CTNNA2: variants seen among roughly 807,000 people sequenced by gnomAD.
The protein encoded by CTNNA2 is catenin alpha 2.
Under a neutral mutation model 101.0 loss-of-function variants are expected in CTNNA2, and 42 were observed. The observed-to-expected ratio is 0.42, with a 90% CI of 0.32 to 0.54. The LOEUF is 0.54. CTNNA2 is among the 20% of genes least tolerant of loss of function. The pLI is 0.14. For missense variants in CTNNA2, 871 were observed against 1,223.1 expected, an observed-to-expected ratio of 0.71 and a Z score of 4.29; for synonymous variants, 450 against 456.4, an observed-to-expected ratio of 0.99 and a Z score of 0.18.
chr2:79,231,482 T>C (rs903349998), intron 2 of CTNNA2, among the ~76,000 whole-genome samples: 17 of 152,216 alleles, frequency 1.1e-4, no homozygotes, highest in Non-Finnish European at 2.1e-4. Flanking sequence ...CTTTTGCCAA[T>C]TGCCCAGTCT....
At chr2:79,807,606 C>T (rs1676680188) in intron 3 of CTNNA2, among the ~76,000 whole-genome samples, 1 of 152,056 alleles carries the variant, frequency 6.6e-6, no homozygotes, top group Admixed American at 6.6e-5. Flanking sequence ...ATTATATTAG[C>T]TCTTTGAAAG....
chr2:79,232,349 G>C (rs1177222940), intron 2 of CTNNA2, among the ~76,000 whole-genome samples: 6 of 151,896 alleles, frequency 4.0e-5, no homozygotes, highest in African/African-American at 1.2e-4. Flanking sequence ...TGTTTATGTG[G>C]TGAATCACAT....
At chr2:79,925,786 T>A (rs545383802) in intron 7 of CTNNA2, among the ~76,000 whole-genome samples, 2 of 152,202 alleles carry the variant, frequency 1.3e-5, no homozygotes, top group Admixed American at 1.3e-4. Flanking sequence ...AATATTTGGT[T>A]TTTATGTAAA....
At chr2:79,608,962 A>G (rs1678085023) in intron 1 of CTNNA2, among the ~76,000 whole-genome samples, 2 of 152,010 alleles carry the variant, frequency 1.3e-5, no homozygotes, top group African/African-American at 4.8e-5. Flanking sequence ...TTTGGAGAAA[A>G]TGGGGTTGTC....
intron 7 of CTNNA2, among the ~76,000 whole-genome samples, chr2:80,355,416 A>G (rs2149305789): frequency 6.6e-6 from 1 of 152,272 alleles, no homozygotes; most frequent in East Asian, 1.9e-4. Flanking sequence ...GAGGCTCAGC[A>G]GTTCCTTTGT....
At chr2:80,573,771 A>G (rs1454354597) in intron 12 of CTNNA2, among the ~76,000 whole-genome samples, 2 of 152,186 alleles carry the variant, frequency 1.3e-5, no homozygotes, top group Non-Finnish European at 2.9e-5. Context: ...ATTACATTTT[A>G]TAGACAAAGA....
intron 9 of CTNNA2, among the ~76,000 whole-genome samples, chr2:80,528,201 G>C (rs1690203626): frequency 1.3e-5 from 2 of 152,102 alleles, no homozygotes; most frequent in Admixed American, 6.5e-5. Context: ...GTTGTTGTTT[G>C]TTCGTTTGTT....
At chr2:79,866,769 T>G (rs1682135465) in intron 4 of CTNNA2, among the ~76,000 whole-genome samples, 1 of 152,194 alleles carries the variant, frequency 6.6e-6, no homozygotes, top group South Asian at 2.1e-4. Context: ...TGCCATACAT[T>G]TTGCTAAGCA....
rs1408329705 is a variant in CTNNA2, at chr2:80,644,744, G to A, written c.2575-2841G>A. Among the ~76,000 whole-genome samples, 3 of 152,048 alleles carry A rather than the reference G, an allele frequency of 2.0e-5. No individual in the cohort carries two copies. In the South Asian group the frequency reaches 6.2e-4, roughly 32 times the overall value. ...AATATTTGTTCCAGTTCAGTTGGCTGGATCTCTCACCTCCTCACTTTACCT... is the reference window on the plus strand; with the variant it reads ...AATATTTGTTCCAGTTCAGTTGGCTAGATCTCTCACCTCCTCACTTTACCT... On this transcript the variant is annotated intron_variant, in intron 18 of 18. Coordinates refer to ENST00000402739, the MANE Select transcript of CTNNA2 (RefSeq NM_001282597.3).
intron 9 of CTNNA2, among the ~76,000 whole-genome samples, chr2:80,544,039 T>A (rs1691817358): frequency 6.6e-6 from 1 of 152,084 alleles, no homozygotes; most frequent in South Asian, 2.1e-4. Context: ...GGCTAATCAA[T>A]CTCACCTTGA....
intron 4 of CTNNA2, among the ~76,000 whole-genome samples, chr2:79,456,203 C>T (rs141459102): frequency 0.012 from 1,821 of 150,918 alleles, 33 homozygotes; most frequent in African/African-American, 0.043. Context: ...TACGTCTTTA[C>T]ATTATTTTAA....
At chr2:79,690,462 A>G (rs1684214053) in intron 2 of CTNNA2, among the ~76,000 whole-genome samples, 1 of 152,076 alleles carries the variant, frequency 6.6e-6, no homozygotes, top group South Asian at 2.1e-4. Context: ...TGCAAAGGAC[A>G]TGAACTCATT....
At chr2:80,629,517 G>A (rs1379084734) in intron 18 of CTNNA2, among the ~76,000 whole-genome samples, 3 of 152,028 alleles carry the variant, frequency 2.0e-5, no homozygotes, top group Non-Finnish European at 2.9e-5. Context: ...GATGATTCAT[G>A]GATCACACTT....
chr2:80,501,799 G>A (rs1687902843), intron 9 of CTNNA2, among the ~76,000 whole-genome samples: 1 of 152,114 alleles, frequency 6.6e-6, no homozygotes. Flanking sequence ...ACTTACAAGA[G>A]ACCATCCATC....
intron 4 of CTNNA2, among the ~76,000 whole-genome samples, chr2:79,463,202 A>AG (rs1470647651): frequency 6.6e-6 from 1 of 152,144 alleles, no homozygotes; most frequent in Non-Finnish European, 1.5e-5. Flanking sequence ...ACCTGAGGTC[A>AG]GGAGATTGAA....
At chr2:79,702,860 C>T (rs555794582) in intron 2 of CTNNA2, among the ~76,000 whole-genome samples, 9 of 152,250 alleles carry the variant, frequency 5.9e-5, no homozygotes, top group Admixed American at 2.6e-4. Flanking sequence ...GTTACTGCTA[C>T]GAAAGTCTAA....
chr2:79,242,991 T>TAC lies in CTNNA2; in HGVS notation c.-406+44916_-406+44917insCA, dbSNP rs1456245339. Among the ~76,000 whole-genome samples, 225 of 120,930 alleles carry TAC rather than the reference T, an allele frequency of 1.9e-3. 1 individual carries two copies. The highest frequency in any genetic ancestry group is 0.01 in the Middle Eastern group (2 of 194). The allele number at this position is 120,930 out of a possible 152,430, so 79.3% of individuals were successfully genotyped here. The stretch of plus-strand genomic sequence containing the variant: ...CGAAATATATATATATATATATATA[T>TAC]ATACACACACACACACACACACACA... On this transcript the variant is annotated intron_variant, in intron 2 of 21. Coordinates refer to the CTNNA2 transcript ENST00000466387.
chr2:80,486,543 A>G (rs1008231566), intron 9 of CTNNA2, among the ~76,000 whole-genome samples: 11 of 152,224 alleles, frequency 7.2e-5, no homozygotes, highest in Non-Finnish European at 1.6e-4. Flanking sequence ...CTGCGATTTC[A>G]TCTCCAATAC....
intron 4 of CTNNA2, among the ~76,000 whole-genome samples, chr2:79,399,105 T>C (rs969628618): frequency 1.3e-5 from 2 of 152,118 alleles, no homozygotes; most frequent in Non-Finnish European, 2.9e-5. Context: ...GACTCAGAGT[T>C]AGCTTAGTGC....
Sources: allele counts gnomAD v4.1 joint callset (sites outside exome capture counted in the v4.1 genomes callset), GRCh38; gene constraint gnomAD v4.1.1; transcripts MANE v1.5; gene names NCBI Gene and HGNC (gene_info 2026-07-23, HGNC 2026-07-21).